The following PRDM1 variants were observed in gnomAD, a reference collection of about 807,000 sequenced individuals.
The protein encoded by PRDM1 is PR/SET domain 1.
A neutral mutation model predicts 62.8 loss-of-function variants in PRDM1; 13 were observed. The ratio of observed to expected loss-of-function variants is 0.21; its 90% CI spans 0.13 to 0.33. The LOEUF (loss-of-function observed/expected upper bound fraction) is 0.33. PRDM1 is among the 10% of genes least tolerant of loss of function. The probability of loss-of-function intolerance (pLI) is 1.00; values close to 1 mark genes in which losing one functional copy is unlikely to be tolerated. For missense variants in PRDM1, 895 were observed against 1,058.8 expected, an observed-to-expected ratio of 0.85 and a Z score of 2.15; for synonymous variants, 396 against 417.6, an observed-to-expected ratio of 0.95 and a Z score of 0.63.
chr6:106,095,241 C>G (rs1012369869), intron 2 of PRDM1, among the ~76,000 whole-genome samples: 2 of 152,176 alleles, frequency 1.3e-5, no homozygotes, highest in Non-Finnish European at 2.9e-5. Context: ...AAACTAGGAA[C>G]AGGCTGAAAT....
At chr6:106,013,912 A>T (rs4345435) in intron 1 of PRDM1, among the ~76,000 whole-genome samples, 138,525 of 152,168 alleles carry the variant, frequency 0.91, 63,177 homozygotes, top group African/African-American at 0.96. Context: ...GCTGCTCCTA[A>T]CAAAAGGAGC....
In PRDM1 at chr6:106,009,725, A is replaced by AT. The variant is rs796554417; in HGVS notation, c.-67+16096dup. ...GATGTGATTATCTTCTCCCTCCTGAATTTTTTTTTTGAGATGGAGTCTTGC... is the reference window on the plus strand; with the variant it reads ...GATGTGATTATCTTCTCCCTCCTGAATTTTTTTTTTTGAGATGGAGTCTTGC... On this transcript the variant is annotated intron_variant, in intron 1 of 6. Coordinates refer to the PRDM1 transcript ENST00000652320. Among the ~76,000 whole-genome samples the AT allele has an allele frequency of 1.7e-3, 256 of 150,220 alleles. 5 individuals carry two copies. The highest frequency in any genetic ancestry group is 5.9e-3 in the African/African-American group (244 of 41,034).
upstream of PRDM1, among the ~76,000 whole-genome samples, chr6:106,085,659 C>A (rs140264147): frequency 2.0e-3 from 304 of 152,248 alleles, 1 homozygote; most frequent in African/African-American, 6.9e-3. Flanking sequence ...AACTGTGAAA[C>A]GACTAATGCT....
chr6:106,066,517 A>G (rs1171937082), intron 1 of PRDM1, among the ~76,000 whole-genome samples: 1 of 152,210 alleles, frequency 6.6e-6, no homozygotes, highest in Non-Finnish European at 1.5e-5. Context: ...CCAGCATTTC[A>G]AAAGATAGTA....
chr6:106,088,493 CA>C (rs1396458968), intron 2 of PRDM1, 44 bp downstream of exon 2: 18 of 1,611,330 alleles, frequency 1.1e-5, no homozygotes, highest in Non-Finnish European at 1.5e-5. Flanking sequence ...GACCTGGTGC[CA>C]AATCTCCCTA....
chr6:106,071,192 G>C (rs1431838271), intron 1 of PRDM1, among the ~76,000 whole-genome samples: 2 of 152,090 alleles, frequency 1.3e-5, no homozygotes, highest in Admixed American at 1.3e-4. Flanking sequence ...AGAATTGCTT[G>C]AACCTGAGAA....
chr6:106,089,124 C>G (rs1773895680), intron 2 of PRDM1, among the ~76,000 whole-genome samples: 1 of 152,178 alleles, frequency 6.6e-6, no homozygotes, highest in African/African-American at 2.4e-5. Context: ...GGATGAAAAC[C>G]CAAACTTGGA....
intron 1 of PRDM1, among the ~76,000 whole-genome samples, chr6:106,050,172 G>A (rs886754341): frequency 8.5e-5 from 13 of 152,146 alleles, no homozygotes; most frequent in African/African-American, 2.9e-4. Context: ...TCTCAGATAT[G>A]TGCCTTGGAT....
rs914874189 is a variant in PRDM1, at chr6:106,108,669, G to A, written c.*1183G>A. On this transcript the variant is annotated 3_prime_UTR_variant, in exon 7 of 7. Coordinates refer to ENST00000369096, the MANE Select transcript of PRDM1 (RefSeq NM_001198.4). ...GTATTCTAGTCATCTTGGGGTAAAAGCGGGTAATGAACATTCCTATCCCCA... is the reference window on the plus strand; with the variant it reads ...GTATTCTAGTCATCTTGGGGTAAAAACGGGTAATGAACATTCCTATCCCCA... The A allele has an allele frequency of 2.6e-5, 6 of 233,188 alleles. No homozygotes were observed. The highest frequency in any genetic ancestry group is 8.9e-5 in the African/African-American group (4 of 45,170). The allele number at this position is 233,188 out of a possible 1,614,324, so 14.4% of individuals were successfully genotyped here.
At chr6:106,028,231 G>A (rs1772792252) in intron 1 of PRDM1, among the ~76,000 whole-genome samples, 1 of 152,186 alleles carries the variant, frequency 6.6e-6, no homozygotes, top group Non-Finnish European at 1.5e-5. Flanking sequence ...AGGTGGTCCA[G>A]TGTCTTTCGG....
intron 1 of PRDM1, among the ~76,000 whole-genome samples, chr6:106,049,771 G>A (rs927665563): frequency 6.6e-6 from 1 of 152,216 alleles, no homozygotes; most frequent in Non-Finnish European, 1.5e-5. Flanking sequence ...CACCATGTCT[G>A]TAATTAACTA....
intron 2 of PRDM1, among the ~76,000 whole-genome samples, chr6:106,094,339 A>G (rs948198201): frequency 6.6e-6 from 1 of 152,246 alleles, no homozygotes; most frequent in Non-Finnish European, 1.5e-5. Context: ...AAGTGAGAGA[A>G]TAAAAACCAA....
At chr6:105,995,913 AG>A (rs997991036) in intron 1 of PRDM1, among the ~76,000 whole-genome samples, 2 of 152,220 alleles carry the variant, frequency 1.3e-5, no homozygotes, top group Admixed American at 6.5e-5. Flanking sequence ...TCAAAAATGT[AG>A]GAAAACATTT....
At chr6:106,071,904 T>C (rs1773526771) in intron 1 of PRDM1, among the ~76,000 whole-genome samples, 1 of 152,206 alleles carries the variant, frequency 6.6e-6, no homozygotes, top group Admixed American at 6.5e-5. Flanking sequence ...TTGGAACCAC[T>C]TGAGGAACTT....
chr6:106,066,351 G>GGGCTCGGTCAC (rs1343471581), intron 1 of PRDM1, among the ~76,000 whole-genome samples: 1 of 152,096 alleles, frequency 6.6e-6, no homozygotes, highest in African/African-American at 2.4e-5. Context: ...GCTGTGAGGA[G>GGGCTCGGTCAC]GGCTCGGTCA....
chr6:106,059,336 A>C (rs1773311789), intron 1 of PRDM1, among the ~76,000 whole-genome samples: 1 of 152,226 alleles, frequency 6.6e-6, no homozygotes, highest in South Asian at 2.1e-4. Flanking sequence ...AGTAGAGACT[A>C]ATGAAATGAA....
chr6:106,010,881 A>G (rs1582424881), intron 1 of PRDM1, among the ~76,000 whole-genome samples: 1 of 152,270 alleles, frequency 6.6e-6, no homozygotes, highest in East Asian at 1.9e-4. Context: ...AGATCCACTT[A>G]GATAGCTTGA....
At chr6:106,040,817 T>C (rs1378371183) in intron 1 of PRDM1, among the ~76,000 whole-genome samples, 2 of 152,220 alleles carry the variant, frequency 1.3e-5, no homozygotes, top group African/African-American at 4.8e-5. Flanking sequence ...ATATATAGTG[T>C]TTTCTGTCAT....
chr6:106,056,533 A>G (rs1196129445), intron 1 of PRDM1, among the ~76,000 whole-genome samples: 1 of 152,158 alleles, frequency 6.6e-6, no homozygotes, highest in Non-Finnish European at 1.5e-5. Context: ...TCAGCCACAC[A>G]CAACCGACTC....
Sources: gnomAD v4.1 joint callset for allele counts (sites outside exome capture counted in the v4.1 genomes callset) on GRCh38, gnomAD v4.1.1 for gene constraint, MANE v1.5 for transcripts, NCBI Gene and HGNC (gene_info 2026-07-23, HGNC 2026-07-21) for gene names.